Variants in FNDC3A observed in about 807,000 individuals in gnomAD.
The protein encoded by FNDC3A is fibronectin type-III domain-containing protein 3A.
FNDC3A carries 32 observed loss-of-function variants against 148.9 expected under a neutral mutation model. The observed-to-expected ratio is 0.21, with a 90% CI of 0.16 to 0.29. FNDC3A has a LOEUF of 0.29. Ranked by LOEUF, FNDC3A falls within the 10% of genes least tolerant of loss-of-function variation. The pLI, the probability that FNDC3A is intolerant of heterozygous loss-of-function variation, is 1.00. For synonymous variants in FNDC3A, 472 were observed against 473.6 expected, an observed-to-expected ratio of 1.00 and a Z score of 0.04; for missense variants, 1,191 against 1,452.8, an observed-to-expected ratio of 0.82 and a Z score of 2.93.
intron 3 of FNDC3A, among the ~76,000 whole-genome samples, chr13:49,103,348 C>T (rs1301851277): frequency 6.6e-6 from 1 of 152,122 alleles, no homozygotes; most frequent in Admixed American, 6.5e-5. Flanking sequence ...CCAGTGAAAA[C>T]AAATGTGGTT....
chr13:49,087,397 G>A (rs557861448), intron 3 of FNDC3A, among the ~76,000 whole-genome samples: 1 of 152,094 alleles, frequency 6.6e-6, no homozygotes, highest in Non-Finnish European at 1.5e-5. Context: ...TTTTGAGCTG[G>A]CCTCACAAAA....
At chr13:49,164,259 T>G (rs555621954) in intron 8 of FNDC3A, among the ~76,000 whole-genome samples, 1 of 152,360 alleles carries the variant, frequency 6.6e-6, no homozygotes, top group South Asian at 2.1e-4. Context: ...ATCCCGTTAG[T>G]CTGATAAGAG....
intron 3 of FNDC3A, among the ~76,000 whole-genome samples, chr13:49,097,964 T>A (rs1368907674): frequency 2.0e-5 from 3 of 152,012 alleles, no homozygotes; most frequent in Non-Finnish European, 4.4e-5. Flanking sequence ...GCACAGCATA[T>A]TATATAAAAT....
At chr13:49,206,333 A>G (rs1886640598) in intron 25 of FNDC3A, among the ~76,000 whole-genome samples, 1 of 77,544 alleles carries the variant, frequency 1.3e-5, no homozygotes, top group Non-Finnish European at 2.9e-5. Flanking sequence ...TCTAGTATAT[A>G]GCTTCTTATT....
At chr13:48,997,994 G>A (rs994670061) in intron 1 of FNDC3A, among the ~76,000 whole-genome samples, 4 of 151,740 alleles carry the variant, frequency 2.6e-5, no homozygotes, top group African/African-American at 9.7e-5. Context: ...TGGAGAGAAA[G>A]CCTCCATCTT....
chr13:49,116,269 A>AAT lies in FNDC3A; in HGVS notation c.252+1547_252+1548dup, dbSNP rs530257863. ...CTTTGGGCTTTCGTGGCATATTATTAATATATATATTCCTCTTTTCATAAA... is the reference window on the plus strand; with the variant it reads ...CTTTGGGCTTTCGTGGCATATTATTAATATATATATATTCCTCTTTTCATAAA... On this transcript the variant is annotated intron_variant, in intron 4 of 25. Coordinates refer to ENST00000492622, the MANE Select transcript of FNDC3A (RefSeq NM_001079673.2). Among the ~76,000 whole-genome samples, 72 of 152,172 alleles carry AAT rather than the reference A, an allele frequency of 4.7e-4. 1 individual carries two copies. The highest frequency in any genetic ancestry group is 3.1e-4 in the Non-Finnish European group (21 of 68,006).
At chr13:49,141,119 G>C (rs1019597162) in intron 7 of FNDC3A, among the ~76,000 whole-genome samples, 1 of 152,178 alleles carries the variant, frequency 6.6e-6, no homozygotes, top group African/African-American at 2.4e-5. Context: ...AGTCTCAACT[G>C]TGTACTTAGG....
At chr13:49,017,464 C>T (rs1216338967) in intron 2 of FNDC3A, among the ~76,000 whole-genome samples, 3 of 152,126 alleles carry the variant, frequency 2.0e-5, no homozygotes, top group Non-Finnish European at 4.4e-5. Context: ...GTAGATCTTC[C>T]TCCATCCTTT....
intron 1 of FNDC3A, among the ~76,000 whole-genome samples, chr13:48,997,568 T>C (rs1952045688): frequency 6.6e-6 from 1 of 152,030 alleles, no homozygotes; most frequent in Non-Finnish European, 1.5e-5. Flanking sequence ...ATTAGTGTCC[T>C]TAGAAGAAGA....
intron 1 of FNDC3A, among the ~76,000 whole-genome samples, chr13:48,984,038 C>T (rs376786101): frequency 6.6e-6 from 1 of 152,052 alleles, no homozygotes; most frequent in South Asian, 2.1e-4. Flanking sequence ...AGCTGATTGG[C>T]TATAAGATAA....
chr13:48,992,810 A>G (rs771029438), intron 1 of FNDC3A, among the ~76,000 whole-genome samples: 1 of 152,164 alleles, frequency 6.6e-6, no homozygotes, highest in Non-Finnish European at 1.5e-5. Context: ...GCTTTCAATT[A>G]AAAGTACCAT....
At chr13:49,201,408 A>AT (rs1886412647) in intron 23 of FNDC3A, among the ~76,000 whole-genome samples, 2 of 152,150 alleles carry the variant, frequency 1.3e-5, no homozygotes, top group South Asian at 4.1e-4. Flanking sequence ...TACTTGGCAA[A>AT]TTTTATCAAT....
rs1032525742 is a variant in FNDC3A, at chr13:49,148,737, GA to G, written c.977+2807del. 9.9e-5 allele frequency among the ~76,000 whole-genome samples: 15 copies of G among 152,122 alleles called. No homozygotes were observed. In the East Asian group the frequency reaches 1.2e-3, roughly 12 times the overall value. On this transcript the variant is annotated intron_variant, in intron 8 of 25. Transcript: ENST00000492622. ...TTTGGATCACTTTTTATATTTCTGT[GA>G]AAAATGACATTGGTATTTTGATAGG...
chr13:48,993,129 C>T (rs911800458), intron 1 of FNDC3A, among the ~76,000 whole-genome samples: 5 of 152,144 alleles, frequency 3.3e-5, no homozygotes, highest in African/African-American at 1.2e-4. Context: ...ATCTGTTTCT[C>T]GTTGAAGGAT....
chr13:49,174,498 A>G lies in FNDC3A; in HGVS notation c.1294A>G (p.Lys432Glu). The G allele has an allele frequency of 1.2e-6, 2 of 1,612,690 alleles. No individual in the cohort carries two copies. Among genetic ancestry groups the G allele is most frequent in the Non-Finnish European group, 1.7e-6 (2 of 1,178,864 alleles). ...CTCACAGAAACAATTTAAAATTACT[A>G]AACTTTCACCAGCAATGGGCTGTAA... ...MGSQKQFKIT[K>E]LSPAMGCKFR... Residue 432 changes from lysine (K) to glutamate (E), a missense_variant, in exon 12 of 26, where the codon AAA (lysine) becomes GAA (glutamate). Around this residue, in one of 3 missense-constraint regions of FNDC3A, gnomAD observed 751 missense variants for 944.0 expected, o/e 0.80. Transcript: ENST00000492622.
At chr13:49,104,728 A>G (rs1880064986) in intron 3 of FNDC3A, among the ~76,000 whole-genome samples, 1 of 152,186 alleles carries the variant, frequency 6.6e-6, no homozygotes, top group Non-Finnish European at 1.5e-5. Flanking sequence ...GCAAGAAACA[A>G]TGCTGGGACA....
intron 25 of FNDC3A, 140 bp downstream of exon 25, chr13:49,203,424 A>C: frequency 6.7e-6 from 4 of 592,860 alleles, no homozygotes; most frequent in Non-Finnish European, 1.2e-5. Context: ...CAGAGATCTC[A>C]AGATTCCAAA....
intron 1 of FNDC3A, among the ~76,000 whole-genome samples, chr13:49,002,531 A>C (rs1024369860): frequency 2.0e-5 from 3 of 152,162 alleles, no homozygotes; most frequent in African/African-American, 7.2e-5. Flanking sequence ...ATCATCACAT[A>C]ATAGCCCCCC....
At chr13:49,083,635 T>A (rs1466475373) in intron 3 of FNDC3A, among the ~76,000 whole-genome samples, 1 of 152,164 alleles carries the variant, frequency 6.6e-6, no homozygotes, top group Non-Finnish European at 1.5e-5. Context: ...GGGCAGTGAC[T>A]TGGTCTCAAG....
Sources: gnomAD v4.1 joint callset for allele counts (sites outside exome capture counted in the v4.1 genomes callset) on GRCh38, gnomAD v4.1.1 for gene constraint, gnomAD v4.1.1 regional missense constraint, MANE v1.5 for transcripts, NCBI Gene and HGNC (gene_info 2026-07-23, HGNC 2026-07-21) for gene names.